AP1G1: variants seen among roughly 807,000 people sequenced by gnomAD.
The protein encoded by AP1G1 is AP-1 complex subunit gamma-1.
Under a neutral mutation model 108.3 loss-of-function variants are expected in AP1G1, and 7 were observed. That is an observed-to-expected ratio of 0.06 (90% confidence interval 0.04 to 0.12). The LOEUF is 0.12. Among genes scored for constraint, AP1G1 ranks in the 10% least tolerant of loss-of-function variants. AP1G1 has a pLI of 1.00. For missense variants in AP1G1, 756 were observed against 1,010.7 expected (o/e 0.75, Z 3.42); for synonymous variants, 379 against 353.5 (o/e 1.07, Z -0.81).
intron 1 of AP1G1, among the ~76,000 whole-genome samples, chr16:71,804,596 C>T (rs1047217876): frequency 3.3e-5 from 5 of 151,332 alleles, no homozygotes; most frequent in East Asian, 2.0e-4. Flanking sequence ...TTAGTACAGA[C>T]GGGATTTCAT....
At chr16:71,747,978 G>T (rs111667109) in intron 16 of AP1G1, among the ~76,000 whole-genome samples, 6 of 152,190 alleles carry the variant, frequency 3.9e-5, no homozygotes. Context: ...GCGAGACCCT[G>T]TCTCAACAAA....
At chr16:71,783,417 C>A (rs1325282772) in intron 2 of AP1G1, among the ~76,000 whole-genome samples, 3 of 151,810 alleles carry the variant, frequency 2.0e-5, no homozygotes, top group Non-Finnish European at 4.4e-5. Flanking sequence ...TACAGATCTA[C>A]AACATAATTA....
At chr16:71,735,172 T>A (rs2045517798) in intron 21 of AP1G1, among the ~76,000 whole-genome samples, 1 of 152,194 alleles carries the variant, frequency 6.6e-6, no homozygotes, top group Non-Finnish European at 1.5e-5. Flanking sequence ...TGTGATTGGA[T>A]AACTGGGATG....
intron 19 of AP1G1, chr16:71,743,411 A>G (rs2029975618): frequency 6.6e-6 from 1 of 152,004 alleles, no homozygotes; most frequent in Non-Finnish European, 1.5e-5. Context: ...TTATCCTCTT[A>G]AAGAAGACAG....
At chr16:71,761,620 T>A in intron 9 of AP1G1, 53 bp from the exon 10 acceptor site, 1 of 1,347,972 alleles carries the variant, frequency 7.4e-7, no homozygotes, top group South Asian at 1.2e-5. Flanking sequence ...TTTTATATTG[T>A]TTCCTGAGTT....
At chr16:71,777,295 G>A (rs893693615) in intron 2 of AP1G1, among the ~76,000 whole-genome samples, 3 of 150,742 alleles carry the variant, frequency 2.0e-5, no homozygotes, top group Non-Finnish European at 4.4e-5. Context: ...AGGTTAGGCA[G>A]GAGAGGCTAC....
At chr16:71,751,576 G>A (rs2030510127) in intron 13 of AP1G1, among the ~76,000 whole-genome samples, 1 of 151,974 alleles carries the variant, frequency 6.6e-6, no homozygotes, top group Non-Finnish European at 1.5e-5. Flanking sequence ...AGAAGGAAAG[G>A]TGAGAAGCTA....
chr16:71,801,659 G>C (rs889828152), intron 1 of AP1G1, among the ~76,000 whole-genome samples: 1 of 152,054 alleles, frequency 6.6e-6, no homozygotes, highest in African/African-American at 2.4e-5. Context: ...GGCGCGGTGG[G>C]TCACGCCTGT....
chr16:71,763,878 AATG>A (rs1334690761), intron 9 of AP1G1, among the ~76,000 whole-genome samples: 20 of 152,302 alleles, frequency 1.3e-4, no homozygotes, highest in African/African-American at 4.8e-4. Flanking sequence ...ATGAGAAAAA[AATG>A]AGGGAAATGA....
At chr16:71,771,940 G>T (rs2031587304) in intron 4 of AP1G1, among the ~76,000 whole-genome samples, 1 of 152,072 alleles carries the variant, frequency 6.6e-6, no homozygotes, top group African/African-American at 2.4e-5. Flanking sequence ...CTAAAGAAAA[G>T]ATGGTTTTAC....
chr16:71,798,566 T>C lies in AP1G1; in HGVS notation c.-3-9084A>G, dbSNP rs572229854. Among the ~76,000 whole-genome samples, 15 of 151,572 alleles carry C rather than the reference T, an allele frequency of 9.9e-5. No homozygotes were observed. In the South Asian group the frequency reaches 1.0e-3, roughly 11 times the overall value. On this transcript the variant is annotated intron_variant, in intron 1 of 22. Transcript: ENST00000299980. ...AGGGATATATATAATTACCTGAAAA[T>C]GTCTGTGACATAAATAAGATTAAAA...
chr16:71,769,054 G>A (rs537731183), intron 6 of AP1G1, among the ~76,000 whole-genome samples: 42 of 148,928 alleles, frequency 2.8e-4, no homozygotes, highest in African/African-American at 4.0e-4. Context: ...AGGCTGAGGC[G>A]GGCTGATCAC....
chr16:71,798,504 G>A (rs1482569058), intron 1 of AP1G1, among the ~76,000 whole-genome samples: 1 of 151,880 alleles, frequency 6.6e-6, no homozygotes, highest in Non-Finnish European at 1.5e-5. Context: ...CAGCTGGAAT[G>A]GATTCTAAGA....
chr16:71,766,403 C>T, intron 6 of AP1G1: 1 of 467,762 alleles, frequency 2.1e-6, no homozygotes, highest in Non-Finnish European at 4.4e-6. Context: ...GGCAATTTTA[C>T]TGCCAAGCCG....
At chr16:71,806,728 C>T in intron 1 of AP1G1, 1 of 1,287,188 alleles carries the variant, frequency 7.8e-7, no homozygotes, top group Non-Finnish European at 1.0e-6. Context: ...TTTGACAGTT[C>T]CTTTAAACCA....
chr16:71,735,566 G>T (rs894165967), intron 21 of AP1G1, among the ~76,000 whole-genome samples: 3 of 151,752 alleles, frequency 2.0e-5, no homozygotes, highest in African/African-American at 7.3e-5. Flanking sequence ...GGAGGCTGAG[G>T]CAGGAGAATC....
chr16:71,793,720 T>G (rs762611553), intron 1 of AP1G1, among the ~76,000 whole-genome samples: 2 of 152,196 alleles, frequency 1.3e-5, no homozygotes, highest in Non-Finnish European at 2.9e-5. Context: ...GGTCTCACTC[T>G]GCCACCCAGG....
chr16:71,808,346 ATC>A (rs1178704714), intron 1 of AP1G1: 1 of 797,242 alleles, frequency 1.3e-6, no homozygotes, highest in Non-Finnish European at 1.7e-6. Context: ...GCTGGGAGTT[ATC>A]TGACAGACCT....
intron 11 of AP1G1, among the ~76,000 whole-genome samples, 161 bp downstream of exon 11, chr16:71,758,647 C>G (rs1256930107): frequency 1.3e-5 from 2 of 152,230 alleles, no homozygotes; most frequent in Non-Finnish European, 2.9e-5. Context: ...AAAAAGGATT[C>G]ACTGAGCAGA....
Sources: allele counts gnomAD v4.1 joint callset (sites outside exome capture counted in the v4.1 genomes callset), GRCh38; gene constraint gnomAD v4.1.1; transcripts MANE v1.5; gene names NCBI Gene and HGNC (gene_info 2026-07-23, HGNC 2026-07-21).